PRDM16: variants seen among roughly 807,000 people sequenced by gnomAD.
The protein encoded by PRDM16 is histone-lysine N-methyltransferase PRDM16.
PRDM16 carries 23 observed loss-of-function variants against 110.6 expected under a neutral mutation model. The observed-to-expected ratio is 0.21, with a 90% CI of 0.15 to 0.29. The LOEUF (loss-of-function observed/expected upper bound fraction) is 0.29. Among genes scored for constraint, PRDM16 ranks in the 10% least tolerant of loss-of-function variants. PRDM16 has a pLI of 1.00. For missense variants in PRDM16, 1,615 were observed against 1,794.3 expected (o/e 0.90, Z 1.81); for synonymous variants, 799 against 781.8 (o/e 1.02, Z -0.37).
intron 12 of PRDM16, among the ~76,000 whole-genome samples, chr1:3,420,305 G>C (rs1638391868): frequency 6.6e-6 from 1 of 152,186 alleles, no homozygotes; most frequent in South Asian, 2.1e-4. Context: ...TAATCAGAAG[G>C]ATTTTAAATT....
intron 1 of PRDM16, among the ~76,000 whole-genome samples, chr1:3,181,323 A>ACACAAGCGG (rs1557508712): frequency 6.9e-4 from 21 of 30,618 alleles, no homozygotes; most frequent in African/African-American, 2.5e-3. Flanking sequence ...TACACACGCA[A>ACACAAGCGG]TCTTACACAA....
At chr1:3,264,191 GA>G in intron 3 of PRDM16, among the ~76,000 whole-genome samples, 1 of 152,352 alleles carries the variant, frequency 6.6e-6, no homozygotes, top group East Asian at 1.9e-4. Flanking sequence ...TATGGAGTCC[GA>G]AAATGGGGCG....
chr1:3,182,650 C>T (rs923297814), intron 1 of PRDM16, among the ~76,000 whole-genome samples: 1 of 152,146 alleles, frequency 6.6e-6, no homozygotes, highest in African/African-American at 2.4e-5. Context: ...CAGAGGTCAC[C>T]GTGGGCTCCC....
In PRDM16 at chr1:3,425,585, A is replaced by G. The variant is rs769504634; in HGVS notation, c.2944A>G (p.Lys982Glu). 2.5e-6 allele frequency: 4 copies of G among 1,613,714 alleles called. No individual in the cohort carries two copies. Among genetic ancestry groups the G allele is most frequent in the South Asian group, 2.2e-5 (2 of 91,074 alleles). Residue 982 changes from lysine (K) to glutamate (E), a missense_variant, in exon 13 of 17, where the codon AAG becomes GAG. By Grantham distance (56) the Lys-to-Glu change is moderately conservative (BLOSUM62 1). Coordinates refer to ENST00000270722, the MANE Select transcript of PRDM16 (RefSeq NM_022114.4). The surrounding 1 kb of genome is among the most constrained non-coding windows in gnomAD (Gnocchi z 6.9). ...THTGEQPYRC[K>E]YCDRSFSISS... ...GAGCGCGTGTGCCCCTTCCAGGTGT[A>G]AGTACTGCGACCGCTCCTTCAGCAT... is the stretch of plus-strand genomic sequence containing the variant.
chr1:3,117,271 C>G (rs573959089), intron 1 of PRDM16, among the ~76,000 whole-genome samples: 3 of 152,278 alleles, frequency 2.0e-5, no homozygotes, highest in Admixed American at 6.5e-5. Context: ...AAGTGGGGAC[C>G]GGGAGTGCTG....
At chr1:3,260,857 GAC>G (rs1175652115) in intron 3 of PRDM16, among the ~76,000 whole-genome samples, 8 of 147,680 alleles carry the variant, frequency 5.4e-5, no homozygotes, top group Non-Finnish European at 1.0e-4. Context: ...GTCCCATCTA[GAC>G]ACAGTCATTA....
chr1:3,114,343 C>T (rs115737143), intron 1 of PRDM16, among the ~76,000 whole-genome samples: 2,435 of 145,366 alleles, frequency 0.017, 32 homozygotes, highest in Non-Finnish European at 0.025. Context: ...CAGACGCGCA[C>T]GCATGCACAC....
At chr1:3,083,735 A>C (rs1338775450) in intron 1 of PRDM16, among the ~76,000 whole-genome samples, 1 of 152,036 alleles carries the variant, frequency 6.6e-6, no homozygotes, top group Non-Finnish European at 1.5e-5. Context: ...CACAGCTGAG[A>C]GGGGAAGAGC....
At position 3,355,358 on chromosome 1, in the gene PRDM16, C is replaced by T. The variant is rs184037800; in HGVS notation, c.439-29794C>T. ...ACCATCTGACCTCACGAATTAATTG[C>T]GCCTGCTCTTCCAACACAGCTTCTC... is the stretch of plus-strand genomic sequence containing the variant. On this transcript the variant is annotated intron_variant, in intron 3 of 16. Transcript: ENST00000270722. 1.4e-3 allele frequency among the ~76,000 whole-genome samples: 212 copies of T among 152,258 alleles called. 1 individual carries two copies. Among genetic ancestry groups the T allele is most frequent in the African/African-American group, 4.9e-3 (202 of 41,544 alleles).
At chr1:3,105,164 C>T (rs1230192003) in intron 1 of PRDM16, among the ~76,000 whole-genome samples, 2 of 152,190 alleles carry the variant, frequency 1.3e-5, no homozygotes, top group Non-Finnish European at 2.9e-5. Context: ...CCACAGGCTC[C>T]TCACTGGGGA....
chr1:3,258,229 C>T (rs756333335), intron 3 of PRDM16, among the ~76,000 whole-genome samples: 1 of 152,184 alleles, frequency 6.6e-6, no homozygotes, highest in Admixed American at 6.5e-5. Context: ...CTGTACTTTG[C>T]AGATTCTGAG....
intron 5 of PRDM16, among the ~76,000 whole-genome samples, chr1:3,400,861 G>A (rs1057258335): frequency 1.0e-3 from 154 of 152,226 alleles, no homozygotes; most frequent in African/African-American, 3.7e-3. Flanking sequence ...CACACCCCTG[G>A]GGCTCCTCTC....
chr1:3,370,768 G>A lies in PRDM16; in HGVS notation c.439-14384G>A, dbSNP rs1642891149. Among the ~76,000 whole-genome samples, 1 of 152,128 alleles carries A rather than the reference G, an allele frequency of 6.6e-6. No homozygotes were observed. Among genetic ancestry groups the A allele is most frequent in the African/African-American group, 2.4e-5 (1 of 41,424 alleles). ...GGGGAAGCCATAAGTGTCTGGGCAA[G>A]TTGAGGGGAGGGTCTGCTCCCCATC... On this transcript the variant is annotated intron_variant, in intron 3 of 16. Transcript: ENST00000270722. The surrounding 1 kb of genome is among the most constrained non-coding windows in gnomAD (Gnocchi z 4.8).
chr1:3,079,093 G>A lies in PRDM16; in HGVS notation c.37+9797G>A. On this transcript the variant is annotated intron_variant, in intron 1 of 16. Coordinates refer to ENST00000270722, the MANE Select transcript of PRDM16 (RefSeq NM_022114.4). ...GCGTGACTGTCTCCGACGGCTCCGG[G>A]CATTAATCCTCATTTTACTCCCTGC... Among the ~76,000 whole-genome samples, 2 of 152,248 alleles carry A rather than the reference G, an allele frequency of 1.3e-5. 1 individual carries two copies. The highest frequency in any genetic ancestry group is 2.9e-5 in the Non-Finnish European group (2 of 68,042).
Position 3,246,909 on chromosome 1 carries a change from G to T in PRDM16, c.438+2772G>T, listed in dbSNP as rs1370304892. Among the ~76,000 whole-genome samples the T allele has an allele frequency of 6.6e-6, 1 of 152,156 alleles. No individual in the cohort carries two copies. Among genetic ancestry groups the T allele is most frequent in the Admixed American group, 6.5e-5 (1 of 15,282 alleles). The stretch of plus-strand genomic sequence containing the variant: ...AGGAAGACCAGGACAGACAGCCCTC[G>T]AGTGGGCGTCAGTCCAGACGGAGAC... On this transcript the variant is annotated intron_variant, in intron 3 of 16. Transcript: ENST00000270722. The surrounding 1 kb of genome is among the most constrained non-coding windows in gnomAD (Gnocchi z 5.2).
chr1:3,330,835 C>G (rs948003791), intron 3 of PRDM16, among the ~76,000 whole-genome samples: 2 of 152,246 alleles, frequency 1.3e-5, no homozygotes, highest in African/African-American at 4.8e-5. Flanking sequence ...TTCATACAGG[C>G]CCGAGCTGCC....
Position 3,083,168 on chromosome 1 carries a change from C to T in PRDM16, c.37+13872C>T, listed in dbSNP as rs896188276. On this transcript the variant is annotated intron_variant, in intron 1 of 16. Transcript: ENST00000270722. ...CCGGGCAGGCTCCTCTGGATGCGGC[C>T]TCCAGATTAAACGTCTCGTCCGAGA... Among the ~76,000 whole-genome samples the T allele has an allele frequency of 5.3e-5, 8 of 152,316 alleles. No individual in the cohort carries two copies. In the East Asian group the frequency reaches 1.5e-3, roughly 29 times the overall value.
At chr1:3,185,906 G>C (rs1644261445) in intron 1 of PRDM16, among the ~76,000 whole-genome samples, 1 of 152,252 alleles carries the variant, frequency 6.6e-6, no homozygotes, top group Admixed American at 6.5e-5. Flanking sequence ...AAAGGAGCCT[G>C]GTAGGATCCC....
At chr1:3,153,779 A>G (rs1287499895) in intron 1 of PRDM16, among the ~76,000 whole-genome samples, 2 of 152,276 alleles carry the variant, frequency 1.3e-5, no homozygotes, top group Non-Finnish European at 2.9e-5. Flanking sequence ...AACCCGCACC[A>G]TTGAGAAGCG....
Sources: allele counts gnomAD v4.1 joint callset (sites outside exome capture counted in the v4.1 genomes callset), GRCh38; gene constraint gnomAD v4.1.1; non-coding constraint Gnocchi (gnomAD v3.1); transcripts MANE v1.5; gene names NCBI Gene and HGNC (gene_info 2026-07-23, HGNC 2026-07-21).